The following WDR19 variants were observed in gnomAD, a reference collection of about 807,000 sequenced individuals.
WDR19 encodes WD repeat domain 19.
A neutral mutation model predicts 180.0 loss-of-function variants in WDR19; 121 were observed. That is an observed-to-expected ratio of 0.67 (90% CI 0.58 to 0.78). The LOEUF is 0.78. Ranked by LOEUF, WDR19 falls within the 30% of genes least tolerant of loss-of-function variation. The probability of loss-of-function intolerance (pLI) is 0.00; values close to 1 mark genes in which losing one functional copy is unlikely to be tolerated. For missense variants in WDR19, 1,450 were observed against 1,640.7 expected (o/e 0.88, Z 2.01); for synonymous variants, 497 against 540.7 (o/e 0.92, Z 1.12).
intron 9 of WDR19, among the ~76,000 whole-genome samples, chr4:39,206,611 G>A (rs1727980692): frequency 6.6e-6 from 1 of 152,128 alleles, no homozygotes. Context: ...TAGGGAGGAA[G>A]GAACTCAGGA....
At chr4:39,232,583 A>G (rs566271614) in intron 19 of WDR19, among the ~76,000 whole-genome samples, 211 of 152,158 alleles carry the variant, frequency 1.4e-3, no homozygotes, top group African/African-American at 4.9e-3. Context: ...CTGTAATCCC[A>G]GCTACTGTAA....
At chr4:39,182,619 G>A (rs1413389425) in intron 1 of WDR19, 56 bp downstream of exon 1, 1 of 1,611,800 alleles carries the variant, frequency 6.2e-7, no homozygotes, top group Non-Finnish European at 8.5e-7. Flanking sequence ...ACTGGCCCTT[G>A]GTCGCTTTTA....
At chr4:39,258,428 G>A (rs2109456713) in intron 28 of WDR19, among the ~76,000 whole-genome samples, 2 of 152,294 alleles carry the variant, frequency 1.3e-5, no homozygotes. Context: ...TGGGATTACA[G>A]GTGTGAGCCA....
At chr4:39,271,802 T>C (rs1206190688) in intron 31 of WDR19, among the ~76,000 whole-genome samples, 2 of 152,236 alleles carry the variant, frequency 1.3e-5, no homozygotes, top group African/African-American at 4.8e-5. Context: ...ATATCAGCAC[T>C]GTCCAGTAGA....
intron 24 of WDR19, among the ~76,000 whole-genome samples, chr4:39,252,759 G>A (rs1246142202): frequency 6.6e-6 from 1 of 151,938 alleles, no homozygotes; most frequent in Non-Finnish European, 1.5e-5. Flanking sequence ...ACTAAAGTTT[G>A]AGCTTTGTGA....
chr4:39,277,645 T>TA (rs1201476306), intron 34 of WDR19, among the ~76,000 whole-genome samples: 2 of 152,230 alleles, frequency 1.3e-5, no homozygotes, highest in African/African-American at 4.8e-5. Context: ...ATGAATCTGA[T>TA]AAGTAAAACC....
chr4:39,285,133 G>C (rs1187310875), intron 36 of WDR19, among the ~76,000 whole-genome samples: 2 of 151,022 alleles, frequency 1.3e-5, no homozygotes, highest in East Asian at 1.9e-4. Context: ...GGTTGAAGCT[G>C]TTGTTCACTG....
At chr4:39,197,088 T>C (rs1726820345) in intron 5 of WDR19, among the ~76,000 whole-genome samples, 2 of 152,170 alleles carry the variant, frequency 1.3e-5, no homozygotes, top group South Asian at 4.1e-4. Flanking sequence ...CTCAACCCTA[T>C]GAGAGGTCCT....
intron 28 of WDR19, among the ~76,000 whole-genome samples, chr4:39,262,046 A>G (rs1734343848): frequency 6.6e-6 from 1 of 152,178 alleles, no homozygotes; most frequent in Admixed American, 6.5e-5. Flanking sequence ...CATGGATCAT[A>G]AAATATTAGA....
chr4:39,235,091 A>G (rs1194339139), intron 20 of WDR19, among the ~76,000 whole-genome samples: 38 of 152,110 alleles, frequency 2.5e-4, no homozygotes, highest in Admixed American at 2.5e-3. Context: ...CTAAGTCTGG[A>G]TCTAAGCTGT....
chr4:39,189,909 T>C, intron 4 of WDR19, 128 bp downstream of exon 4: 10 of 1,068,912 alleles, frequency 9.4e-6, no homozygotes, highest in Non-Finnish European at 1.3e-5. Flanking sequence ...AGAAAAGGAT[T>C]ATTTTTATTA....
At chr4:39,213,763 G>A (rs533745508) in intron 9 of WDR19, among the ~76,000 whole-genome samples, 4 of 152,242 alleles carry the variant, frequency 2.6e-5, no homozygotes, top group South Asian at 4.1e-4. Flanking sequence ...TAGGGACGTC[G>A]GAATAAGATT....
intron 20 of WDR19, among the ~76,000 whole-genome samples, chr4:39,236,565 T>C (rs141162225): frequency 1.3e-5 from 2 of 152,322 alleles, no homozygotes; most frequent in Non-Finnish European, 2.9e-5. Flanking sequence ...CACTACCCAA[T>C]ATATGCATGC....
At chr4:39,209,512 A>G (rs969437048) in intron 9 of WDR19, among the ~76,000 whole-genome samples, 1 of 152,126 alleles carries the variant, frequency 6.6e-6, no homozygotes, top group African/African-American at 2.4e-5. Context: ...AAAATTTTAA[A>G]TATCAGCCTG....
chr4:39,224,136 T>C (rs1266420735), intron 14 of WDR19, among the ~76,000 whole-genome samples: 1 of 152,192 alleles, frequency 6.6e-6, no homozygotes, highest in African/African-American at 2.4e-5. Context: ...GGTATGTACA[T>C]GTTCATTGCT....
chr4:39,267,227 C>T (rs571669135), intron 29 of WDR19, among the ~76,000 whole-genome samples: 1 of 152,192 alleles, frequency 6.6e-6, no homozygotes, highest in Non-Finnish European at 1.5e-5. Context: ...ACCTCCTTCC[C>T]CTTTGCTTTA....
chr4:39,189,792 T>A lies in WDR19; in HGVS notation c.290+11T>A. 6.3e-7 allele frequency: 1 copy of A among 1,586,694 alleles called. No homozygotes were observed. Among genetic ancestry groups the A allele is most frequent in the Non-Finnish European group, 8.5e-7 (1 of 1,171,558 alleles). On this transcript the variant is annotated intron_variant, in intron 4 of 36. Coordinates refer to ENST00000399820, the MANE Select transcript of WDR19 (RefSeq NM_025132.4). ...AGACAATGGCATGAGGTAAGATAAC[T>A]TTTTAATTTTTTAAAGCTTCACTTA...
At chr4:39,285,158 A>G (rs561897070) in intron 36 of WDR19, among the ~76,000 whole-genome samples, 254 of 152,188 alleles carry the variant, frequency 1.7e-3, no homozygotes, top group Non-Finnish European at 2.6e-3. Context: ...TTAGACAAAT[A>G]TAACTGTTTA....
At chr4:39,206,955 G>C (rs1728018957) in intron 9 of WDR19, among the ~76,000 whole-genome samples, 1 of 152,122 alleles carries the variant, frequency 6.6e-6, no homozygotes, top group South Asian at 2.1e-4. Context: ...ATTTCACAAG[G>C]TCCAGAATAG....
Sources: gnomAD v4.1 joint callset for allele counts (sites outside exome capture counted in the v4.1 genomes callset) on GRCh38, gnomAD v4.1.1 for gene constraint, MANE v1.5 for transcripts, NCBI Gene and HGNC (gene_info 2026-07-23, HGNC 2026-07-21) for gene names.